Variants in MOB3B observed in about 807,000 individuals in gnomAD.
MOB3B encodes MOB kinase activator 3B.
MOB3B carries 7 observed loss-of-function variants against 18.7 expected under a neutral mutation model. That is an observed-to-expected ratio of 0.37 (90% confidence interval 0.21 to 0.70). The LOEUF (loss-of-function observed/expected upper bound fraction) is 0.70, where lower values mean the gene tolerates loss of function less well. MOB3B is among the 30% of genes least tolerant of loss of function. The pLI is 0.52. For synonymous variants in MOB3B, 111 were observed against 99.9 expected, an observed-to-expected ratio of 1.11 and a Z score of -0.66; for missense variants, 253 against 281.3, an observed-to-expected ratio of 0.90 and a Z score of 0.72.
At chr9:27,387,925 C>T (rs748925837) in intron 2 of MOB3B, among the ~76,000 whole-genome samples, 2 of 151,986 alleles carry the variant, frequency 1.3e-5, no homozygotes, top group Non-Finnish European at 2.9e-5. Flanking sequence ...CCATGTTTCT[C>T]AACTAGAAAT....
intron 2 of MOB3B, among the ~76,000 whole-genome samples, chr9:27,386,580 C>T (rs571414341): frequency 1.4e-4 from 21 of 152,320 alleles, no homozygotes; most frequent in Non-Finnish European, 1.9e-4. Context: ...CAGATGGAAG[C>T]GCTTTTCAAA....
intron 1 of MOB3B, chr9:27,525,027 TC>T: frequency 7.7e-7 from 1 of 1,300,370 alleles, no homozygotes; most frequent in Non-Finnish European, 1.0e-6. Context: ...TCCTCCAACT[TC>T]TTTTTAAGGA....
chr9:27,453,904 T>C (rs1008053502), intron 2 of MOB3B, among the ~76,000 whole-genome samples: 2 of 152,170 alleles, frequency 1.3e-5, no homozygotes, highest in African/African-American at 2.4e-5. Flanking sequence ...CTTAATATTA[T>C]GCCCAGGGGA....
intron 2 of MOB3B, among the ~76,000 whole-genome samples, chr9:27,415,332 A>T (rs1041189534): frequency 6.6e-6 from 1 of 152,126 alleles, no homozygotes; most frequent in Non-Finnish European, 1.5e-5. Flanking sequence ...ATTAATGTCA[A>T]TTTCCTGCCT....
rs145016784 is a variant in MOB3B at position 27,331,394 on chromosome 9, C to T, written c.622-778G>A. Among the ~76,000 whole-genome samples the T allele has an allele frequency of 7.7e-3, 1,176 of 152,292 alleles. 15 individuals carry two copies. The highest frequency in any genetic ancestry group is 0.026 in the African/African-American group (1,096 of 41,548). ...GACCTTCCCGCACTCCTGCCCCACT[C>T]GCTGTGGAGGTAGCCACTCTCTCCT... On this transcript the variant is annotated intron_variant, in intron 3 of 3. Transcript: ENST00000262244.
intron 2 of MOB3B, among the ~76,000 whole-genome samples, chr9:27,444,109 T>C (rs1822639957): frequency 6.9e-6 from 1 of 144,114 alleles, no homozygotes; most frequent in Non-Finnish European, 1.5e-5. Flanking sequence ...GCAACCCCTG[T>C]CCTCTGGGAA....
intron 2 of MOB3B, among the ~76,000 whole-genome samples, chr9:27,408,596 G>T (rs562133935): frequency 1.3e-5 from 2 of 152,146 alleles, no homozygotes; most frequent in Non-Finnish European, 2.9e-5. Flanking sequence ...TGTAGCTACA[G>T]GACCTACCAT....
chr9:27,388,921 T>C (rs2131380148), intron 2 of MOB3B, among the ~76,000 whole-genome samples: 1 of 152,338 alleles, frequency 6.6e-6, no homozygotes, highest in East Asian at 1.9e-4. Context: ...TTCCCTCTAC[T>C]GCCACTGCCC....
At chr9:27,364,508 T>C (rs927951505) in intron 2 of MOB3B, among the ~76,000 whole-genome samples, 10 of 152,216 alleles carry the variant, frequency 6.6e-5, no homozygotes, top group African/African-American at 2.4e-4. Flanking sequence ...CCTATTTAAA[T>C]CTGGATTCCC....
At chr9:27,402,522 T>C (rs1265096438) in intron 2 of MOB3B, among the ~76,000 whole-genome samples, 1 of 152,144 alleles carries the variant, frequency 6.6e-6, no homozygotes, top group Non-Finnish European at 1.5e-5. Flanking sequence ...TGGTGTACAA[T>C]AGGAACACGA....
intron 3 of MOB3B, among the ~76,000 whole-genome samples, chr9:27,331,871 C>T (rs1369954804): frequency 2.6e-5 from 4 of 152,142 alleles, no homozygotes; most frequent in African/African-American, 9.7e-5. Flanking sequence ...TTCAGAGAAG[C>T]GTTCTATTCG....
chr9:27,369,401 C>T (rs1452716294), intron 2 of MOB3B, among the ~76,000 whole-genome samples: 1 of 152,232 alleles, frequency 6.6e-6, no homozygotes, highest in Non-Finnish European at 1.5e-5. Flanking sequence ...CTGCCTCCTT[C>T]CTAGCTCACC....
intron 2 of MOB3B, among the ~76,000 whole-genome samples, chr9:27,412,026 T>G (rs1822075198): frequency 6.6e-6 from 1 of 152,156 alleles, no homozygotes. Context: ...AAGAAGATGC[T>G]TGTTAATTAA....
chr9:27,401,734 G>C (rs1417621650), intron 2 of MOB3B, among the ~76,000 whole-genome samples: 1 of 152,140 alleles, frequency 6.6e-6, no homozygotes, highest in Non-Finnish European at 1.5e-5. Flanking sequence ...AATCATTAAA[G>C]AACTTCAAAG....
At chr9:27,441,109 T>C (rs2814701) in intron 2 of MOB3B, among the ~76,000 whole-genome samples, 56,980 of 152,102 alleles carry the variant, frequency 0.37, 11,117 homozygotes, top group African/African-American at 0.49. Context: ...TCTCCATTAC[T>C]GGCCACTCAC....
intron 1 of MOB3B, among the ~76,000 whole-genome samples, chr9:27,463,081 G>A (rs746474800): frequency 2.0e-4 from 31 of 152,112 alleles, no homozygotes; most frequent in Admixed American, 7.9e-4. Context: ...ACTGAATATA[G>A]TATAGTGGTT....
intron 2 of MOB3B, among the ~76,000 whole-genome samples, chr9:27,431,039 G>C (rs1317902312): frequency 6.6e-6 from 1 of 151,984 alleles, no homozygotes; most frequent in Non-Finnish European, 1.5e-5. Flanking sequence ...TCCTCCACTT[G>C]TAAATGACTG....
At chr9:27,483,646 T>C (rs576985138) in intron 1 of MOB3B, among the ~76,000 whole-genome samples, 2 of 152,326 alleles carry the variant, frequency 1.3e-5, no homozygotes, top group African/African-American at 2.4e-5. Flanking sequence ...GGCCCAATTA[T>C]AAAGGTGCTT....
rs28608574 is a variant in MOB3B at position 27,495,360 on chromosome 9, A to T, written c.-199+34195T>A. ...TAAATAAATAAATAGATAAATAAAT[A>T]AATAAATTAATTAATTAAATGAATG... On this transcript the variant is annotated intron_variant, in intron 1 of 3. Transcript: ENST00000262244. 4.6e-3 allele frequency among the ~76,000 whole-genome samples: 696 copies of T among 152,148 alleles called. 6 individuals carry two copies. Among genetic ancestry groups the T allele is most frequent in the Middle Eastern group, 6.8e-3 (2 of 294 alleles).
Sources: gnomAD v4.1 joint callset for allele counts (sites outside exome capture counted in the v4.1 genomes callset) on GRCh38, gnomAD v4.1.1 for gene constraint, MANE v1.5 for transcripts, NCBI Gene and HGNC (gene_info 2026-07-23, HGNC 2026-07-21) for gene names.